The following JAZF1 variants were observed in gnomAD, a reference collection of about 807,000 sequenced individuals.
JAZF1 encodes the protein juxtaposed with another zinc finger protein 1.
In JAZF1, 8 loss-of-function variants were observed where a neutral mutation model predicts 26.4. The ratio of observed to expected loss-of-function variants is 0.30; its 90% confidence interval spans 0.18 to 0.55. The LOEUF is 0.55. Ranked by LOEUF, JAZF1 falls within the 20% of genes least tolerant of loss-of-function variation. The probability of loss-of-function intolerance (pLI) is 0.94; values close to 1 mark genes in which losing one functional copy is unlikely to be tolerated. For synonymous variants in JAZF1, 126 were observed against 122.3 expected, an observed-to-expected ratio of 1.03 and a Z score of -0.20; for missense variants, 199 against 322.0, an observed-to-expected ratio of 0.62 and a Z score of 2.92.
intron 3 of JAZF1, chr7:27,842,512 A>T (rs1405655180): frequency 6.6e-6 from 1 of 152,154 alleles, no homozygotes; most frequent in Non-Finnish European, 1.5e-5. Context: ...CAGAAAAAAC[A>T]ATCTGGCAAA....
intron 2 of JAZF1, among the ~76,000 whole-genome samples, chr7:27,957,776 T>A (rs907833340): frequency 3.9e-5 from 6 of 152,230 alleles, no homozygotes; most frequent in Non-Finnish European, 7.3e-5. Flanking sequence ...AGCTAGACTA[T>A]GACAAATCAT....
chr7:28,121,104 G>T (rs1782594186), intron 1 of JAZF1, among the ~76,000 whole-genome samples: 1 of 147,572 alleles, frequency 6.8e-6, no homozygotes, highest in Non-Finnish European at 1.5e-5. Flanking sequence ...GGAGGCTGAG[G>T]CTGAAGAACC....
intron 1 of JAZF1, among the ~76,000 whole-genome samples, chr7:28,016,658 C>G (rs1448146930): frequency 6.6e-6 from 1 of 152,160 alleles, no homozygotes; most frequent in Admixed American, 6.5e-5. Context: ...GCTGGCTCCC[C>G]CTGCCCTTAC....
chr7:27,845,470 G>A (rs540333807), intron 3 of JAZF1, among the ~76,000 whole-genome samples: 82 of 152,226 alleles, frequency 5.4e-4, no homozygotes, highest in Admixed American at 1.1e-3. Flanking sequence ...AGGCCGAGGC[G>A]GGTGGATCAC....
At chr7:27,985,512 T>C (rs968816890) in intron 2 of JAZF1, among the ~76,000 whole-genome samples, 10 of 152,218 alleles carry the variant, frequency 6.6e-5, no homozygotes, top group Non-Finnish European at 1.3e-4. Flanking sequence ...ACAGCTGAAC[T>C]CTACCAGAGG....
intron 3 of JAZF1, among the ~76,000 whole-genome samples, chr7:27,880,854 G>A (rs551268680): frequency 6.6e-6 from 1 of 152,134 alleles, no homozygotes; most frequent in Non-Finnish European, 1.5e-5. Context: ...TATTTGCAGA[G>A]ACAGGGTCCC....
At chr7:28,074,230 T>C (rs1446436875) in intron 1 of JAZF1, among the ~76,000 whole-genome samples, 1 of 152,222 alleles carries the variant, frequency 6.6e-6, no homozygotes, top group Non-Finnish European at 1.5e-5. Flanking sequence ...AGAAGGGCCA[T>C]GAAATGTTTG....
intron 2 of JAZF1, among the ~76,000 whole-genome samples, chr7:27,984,210 CAT>C (rs1404037558): frequency 6.6e-6 from 1 of 152,146 alleles, no homozygotes; most frequent in Non-Finnish European, 1.5e-5. Context: ...AGACCCATCT[CAT>C]GTGCAGAGAC....
At chr7:28,066,890 C>A (rs936956156) in intron 1 of JAZF1, among the ~76,000 whole-genome samples, 11 of 152,080 alleles carry the variant, frequency 7.2e-5, no homozygotes, top group African/African-American at 2.4e-4. Context: ...AAAAGCTATC[C>A]AAAAAAACCC....
At chr7:27,907,877 G>A (rs1784289758) in intron 2 of JAZF1, among the ~76,000 whole-genome samples, 1 of 152,162 alleles carries the variant, frequency 6.6e-6, no homozygotes, top group African/African-American at 2.4e-5. Context: ...TTGGGACTCA[G>A]CCTTACAGTT....
chr7:28,037,622 C>T (rs369976857), intron 1 of JAZF1, among the ~76,000 whole-genome samples: 1 of 150,542 alleles, frequency 6.6e-6, no homozygotes, highest in South Asian at 2.1e-4. Flanking sequence ...GGAATTTTTA[C>T]AGTTTTATTT....
chr7:27,836,666 G>T (rs1264243149), intron 4 of JAZF1, among the ~76,000 whole-genome samples: 1 of 152,184 alleles, frequency 6.6e-6, no homozygotes, highest in Admixed American at 6.5e-5. Context: ...AATGGTGGGG[G>T]TTAAAAGTGA....
chr7:27,896,493 G>A (rs886636096), intron 2 of JAZF1, among the ~76,000 whole-genome samples: 1 of 152,048 alleles, frequency 6.6e-6, no homozygotes, highest in Non-Finnish European at 1.5e-5. Flanking sequence ...TGCCCCCCAA[G>A]GCCTCTCTCC....
chr7:28,055,659 C>G (rs1783692966), intron 1 of JAZF1, among the ~76,000 whole-genome samples: 1 of 152,206 alleles, frequency 6.6e-6, no homozygotes, highest in Non-Finnish European at 1.5e-5. Context: ...TTCACGAAGA[C>G]AAGGCTCTTT....
At chr7:27,993,675 A>T (rs2128365859) in intron 1 of JAZF1, among the ~76,000 whole-genome samples, 1 of 152,312 alleles carries the variant, frequency 6.6e-6, no homozygotes, top group South Asian at 2.1e-4. Flanking sequence ...GTAAGAAACA[A>T]GAAATTAGAG....
intron 3 of JAZF1, among the ~76,000 whole-genome samples, chr7:27,851,732 C>T (rs997271875): frequency 1.3e-5 from 2 of 152,182 alleles, no homozygotes; most frequent in Non-Finnish European, 2.9e-5. Context: ...CACCAATGAT[C>T]ACAATGACTA....
Position 27,895,271 on chromosome 7 carries a change from CG to C in JAZF1, c.333del (p.Val112Ter). The C allele has an allele frequency of 6.2e-7, 1 of 1,608,188 alleles. No homozygotes were observed. On this transcript the variant is annotated frameshift_variant, in exon 3 of 5. Transcript: ENST00000283928. LOFTEE classifies it high-confidence loss of function. ...GAGGAGGGGGTGATGGGTGGGGTCA[CG>C]GGGGGAGTAAGGCTTCCACTGCTGT... is the stretch of plus-strand genomic sequence containing the variant. ...PRHSSGSLTP[P>X]VTPPITPSSS...
At chr7:28,100,137 A>G (rs1310342387) in intron 1 of JAZF1, among the ~76,000 whole-genome samples, 1 of 152,246 alleles carries the variant, frequency 6.6e-6, no homozygotes, top group Non-Finnish European at 1.5e-5. Context: ...GAAAGGACAA[A>G]GCAGAAAGTT....
chr7:28,082,460 AG>A (rs1170759175), intron 1 of JAZF1, among the ~76,000 whole-genome samples: 5 of 152,004 alleles, frequency 3.3e-5, no homozygotes. Context: ...GGATCTTCTT[AG>A]GTTCTCTTCT....
Sources: gnomAD v4.1 joint callset for allele counts (sites outside exome capture counted in the v4.1 genomes callset) on GRCh38, gnomAD v4.1.1 for gene constraint, MANE v1.5 for transcripts, NCBI Gene and HGNC (gene_info 2026-07-23, HGNC 2026-07-21) for gene names.